The following CCM2L variants were observed in gnomAD, a reference collection of about 807,000 sequenced individuals.
CCM2L encodes the protein CCM2 like scaffold protein, also known as cerebral cavernous malformations 2 protein-like.
Under a neutral mutation model 54.1 loss-of-function variants are expected in CCM2L, and 36 were observed. That is an observed-to-expected ratio of 0.67 (90% CI 0.51 to 0.88). CCM2L has a LOEUF of 0.88. CCM2L is among the 40% of genes least tolerant of loss of function. The pLI is 0.00. For missense variants in CCM2L, 700 were observed against 812.1 expected, an observed-to-expected ratio of 0.86 and a Z score of 1.68; for synonymous variants, 351 against 359.3, an observed-to-expected ratio of 0.98 and a Z score of 0.26.
intron 1 of CCM2L, among the ~76,000 whole-genome samples, chr20:32,010,858 T>C (rs1018346495): frequency 6.6e-6 from 1 of 152,124 alleles, no homozygotes; most frequent in African/African-American, 2.4e-5. Context: ...TGCTCGTCAC[T>C]GCCCCAAACA....
Position 32,030,090 on chromosome 20 carries a change from G to A in CCM2L, c.1402+252G>A, listed in dbSNP as rs113688108. On this transcript the variant is annotated intron_variant, in intron 9 of 9. Coordinates refer to ENST00000452892, the MANE Select transcript of CCM2L (RefSeq NM_001365692.1). Reference sequence around the variant, plus strand: ...CATTTCATCCTCACAGCAAAGCTGCGAGAGGGACTGATTCTTCCCATCTTA... The same window carrying A: ...CATTTCATCCTCACAGCAAAGCTGCAAGAGGGACTGATTCTTCCCATCTTA... Among the ~76,000 whole-genome samples, 1,199 of 152,280 alleles carry A rather than the reference G, an allele frequency of 7.9e-3. 19 individuals carry two copies. The highest frequency in any genetic ancestry group is 0.027 in the African/African-American group (1,134 of 41,540).
chr20:32,028,863 G>A, intron 7 of CCM2L, 132 bp from the exon 8 acceptor site: 1 of 1,148,108 alleles, frequency 8.7e-7, no homozygotes, highest in Non-Finnish European at 1.2e-6. Context: ...GACTTGAGAG[G>A]TGCCAGGGGC....
At chr20:32,012,357 A>G (rs184304158) in intron 1 of CCM2L, among the ~76,000 whole-genome samples, 38 of 152,266 alleles carry the variant, frequency 2.5e-4, no homozygotes, top group Non-Finnish European at 4.9e-4. Context: ...TAGGAGTTCA[A>G]GACCAGACTG....
At chr20:32,028,574 A>T in intron 7 of CCM2L, 1 of 180,534 alleles carries the variant, frequency 5.5e-6, no homozygotes. Flanking sequence ...AAGGCCATGC[A>T]TGTCACAGGT....
At chr20:32,020,985 T>A (rs1274152037) in intron 5 of CCM2L, among the ~76,000 whole-genome samples, 1 of 151,754 alleles carries the variant, frequency 6.6e-6, no homozygotes, top group Non-Finnish European at 1.5e-5. Flanking sequence ...CAAAAAAACA[T>A]CAAAATCCAT....
At chr20:32,029,171 G>A in intron 8 of CCM2L, 47 bp downstream of exon 8, 1 of 1,613,098 alleles carries the variant, frequency 6.2e-7, no homozygotes, top group East Asian at 2.2e-5. Context: ...AAGCCTGGAG[G>A]CTGGAGTAAA....
At position 32,019,228 on chromosome 20, in the gene CCM2L, A is replaced by ACGGAGG. The variant is rs2064776578; in HGVS notation, c.756_761dup (p.Gly258_Gly259dup). 3.5e-6 allele frequency: 4 copies of ACGGAGG among 1,155,406 alleles called. No individual in the cohort carries two copies. Among genetic ancestry groups the ACGGAGG allele is most frequent in the Non-Finnish European group, 4.3e-6 (4 of 925,880 alleles). The allele number at this position is 1,155,406 out of a possible 1,614,324, so 71.6% of individuals were successfully genotyped here. A position where few individuals can be genotyped will look rare whatever the true frequency, so the allele number is the denominator to read the frequency against. Reference sequence around the variant, plus strand: ...TTCAGCGGCAGCTGGGAGCGGCGGCACGGAGGCGGCGGCGGCGGCGGCGGC... The same window carrying ACGGAGG: ...TTCAGCGGCAGCTGGGAGCGGCGGCACGGAGGCGGAGGCGGCGGCGGCGGCGGCGGC... On this transcript the variant is annotated inframe_insertion, in exon 5 of 10. Coordinates refer to ENST00000452892, the MANE Select transcript of CCM2L (RefSeq NM_001365692.1).
chr20:32,029,622 G>C, intron 8 of CCM2L, 78 bp from the exon 9 acceptor site: 1 of 1,502,086 alleles, frequency 6.7e-7, no homozygotes, highest in Non-Finnish European at 8.9e-7. Context: ...TGCCCTTAGG[G>C]AAGGCTCTGG....
Position 32,015,090 on chromosome 20 carries a change from G to C in CCM2L, c.198+19G>C. The C allele has an allele frequency of 2.0e-6, 3 of 1,468,010 alleles. No homozygotes were observed. Among genetic ancestry groups the C allele is most frequent in the Non-Finnish European group, 2.7e-6 (3 of 1,110,004 alleles). The allele number at this position is 1,468,010 out of a possible 1,614,324, so 90.9% of individuals were successfully genotyped here. A position where few individuals can be genotyped will look rare whatever the true frequency, so the allele number is the denominator to read the frequency against. ...GGTCAAGGTGCGTGCAGGATGAGAA[G>C]GGGTGGGAAAACCTTGGGGTGAGGA... is the stretch of plus-strand genomic sequence containing the variant. On this transcript the variant is annotated intron_variant, in intron 2 of 9. Transcript: ENST00000452892.
intron 5 of CCM2L, among the ~76,000 whole-genome samples, chr20:32,019,816 C>T (rs1199602953): frequency 6.6e-6 from 1 of 152,130 alleles, no homozygotes; most frequent in East Asian, 1.9e-4. Flanking sequence ...TACTGTATTC[C>T]CATTCTATAG....
rs1358410925 is a variant in CCM2L at position 32,031,270 on chromosome 20, G to A, written c.1672G>A (p.Gly558Ser). The A allele has an allele frequency of 7.7e-7, 1 of 1,294,742 alleles. No homozygotes were observed. Among genetic ancestry groups the A allele is most frequent in the African/African-American group, 1.5e-5 (1 of 65,784 alleles). The allele number at this position is 1,294,742 out of a possible 1,614,324, so 80.2% of individuals were successfully genotyped here. A position where few individuals can be genotyped will look rare whatever the true frequency, so the allele number is the denominator to read the frequency against. ...DDDDDEDEPRGSRGGSDAAED... is the reference protein window; with the variant it reads ...DDDDDEDEPRSSRGGSDAAED... ...CGACGACGACGAGGATGAGCCCCGG[G>A]GCTCCAGGGGCGGGAGCGACGCCGC... Residue 558 changes from glycine (G) to serine (S), a missense_variant, in exon 10 of 10, where the codon GGC becomes AGC. Gly to Ser is a moderately conservative substitution (Grantham distance 56). Transcript: ENST00000452892.
rs558410151 is a variant in CCM2L at position 32,029,599 on chromosome 20, G to C, written c.1264-101G>C. 1.3e-5 allele frequency: 19 copies of C among 1,437,298 alleles called. No individual in the cohort carries two copies. The South Asian group carries it at 1.8e-4, about 14-fold the overall frequency. The allele number at this position is 1,437,298 out of a possible 1,614,324, so 89.0% of individuals were successfully genotyped here. A position where few individuals can be genotyped will look rare whatever the true frequency, so the allele number is the denominator to read the frequency against. ...CCCATGGGAAGGTTTTCAGAGGAGA[G>C]CTGGACCAAACATGCCCTTAGGGAA... On this transcript the variant is annotated intron_variant, in intron 8 of 9. Coordinates refer to ENST00000452892, the MANE Select transcript of CCM2L (RefSeq NM_001365692.1).
chr20:32,029,832 C>T lies in CCM2L; in HGVS notation c.1396C>T (p.Leu466Phe). The T allele has an allele frequency of 1.2e-6, 2 of 1,601,596 alleles. No individual in the cohort carries two copies. Among genetic ancestry groups the T allele is most frequent in the African/African-American group, 2.7e-5 (2 of 74,450 alleles). ...CTACGGAGACCGGCGCAAGTTCCTC[C>T]TCCTTGGTGAGCCCCCGCTGTACCC... ...KLYGDRRKFL[L>F]LGMRPFIPDQ... The change falls in exon 9 of 10, where the codon CTC (leucine) becomes TTC (phenylalanine). Residue 466 changes from leucine to phenylalanine, a missense_variant. Physicochemically the swap from Leu to Phe is conservative, Grantham distance 22. Transcript: ENST00000452892.
chr20:32,029,878 C>T (rs2064904784), intron 9 of CCM2L, 40 bp downstream of exon 9: 1 of 1,537,572 alleles, frequency 6.5e-7, no homozygotes, highest in African/African-American at 1.4e-5. Flanking sequence ...GCTAGGGCCC[C>T]TGCTTGGTCC....
chr20:32,015,829 A>G (rs2074942071), intron 2 of CCM2L, among the ~76,000 whole-genome samples: 5 of 150,736 alleles, frequency 3.3e-5, no homozygotes, highest in African/African-American at 7.3e-5. Flanking sequence ...GCAAAACACA[A>G]AGGACTTCCA....
rs1241535087 is a variant in CCM2L, at chr20:32,029,827, T to C, written c.1391T>C (p.Phe464Ser). 6.2e-7 allele frequency: 1 copy of C among 1,603,134 alleles called. No homozygotes were observed. The highest frequency in any genetic ancestry group is 1.3e-5 in the African/African-American group (1 of 74,414). Residue 464 changes from phenylalanine (F) to serine (S), a missense_variant, in exon 9 of 10, where the codon TTC becomes TCC. Phe to Ser is a radical substitution (Grantham distance 155). Transcript: ENST00000452892. ...LLKLYGDRRKFLLLGMRPFIP... is the reference protein window; with the variant it reads ...LLKLYGDRRKSLLLGMRPFIP... ...AAGCTCTACGGAGACCGGCGCAAGT[T>C]CCTCCTCCTTGGTGAGCCCCCGCTG...
intron 9 of CCM2L, among the ~76,000 whole-genome samples, chr20:32,030,793 T>C (rs35562975): frequency 6.6e-6 from 1 of 151,222 alleles, no homozygotes; most frequent in Non-Finnish European, 1.5e-5. Flanking sequence ...ATAATAAAAG[T>C]ACAGTAATCT....
chr20:32,027,021 GAAAT>G (rs902985424), intron 7 of CCM2L, among the ~76,000 whole-genome samples: 144 of 152,202 alleles, frequency 9.5e-4, no homozygotes, highest in African/African-American at 3.3e-3. Flanking sequence ...TGTCTCTATT[GAAAT>G]AAATAAATAA....
Position 32,031,591 on chromosome 20 carries a change from A to T in CCM2L, c.*277A>T, listed in dbSNP as rs756160721. Reference sequence around the variant, plus strand: ...CTGAGCAGCGATCCTGCTTTGTCCCAGAAGTCCAGAGGGATCAGCCCCAGA... The same window carrying T: ...CTGAGCAGCGATCCTGCTTTGTCCCTGAAGTCCAGAGGGATCAGCCCCAGA... On this transcript the variant is annotated 3_prime_UTR_variant, in exon 10 of 10. Coordinates refer to ENST00000452892, the MANE Select transcript of CCM2L (RefSeq NM_001365692.1). 3.8e-6 allele frequency: 1 copy of T among 262,120 alleles called. No individual in the cohort carries two copies. The highest frequency in any genetic ancestry group is 2.4e-5 in the African/African-American group (1 of 42,398). 16.2% of individuals were successfully genotyped at this position (262,120 alleles called of 1,614,324 possible). A position where few individuals can be genotyped will look rare whatever the true frequency, so the allele number is the denominator to read the frequency against.
Sources: allele counts gnomAD v4.1 joint callset (sites outside exome capture counted in the v4.1 genomes callset), GRCh38; gene constraint gnomAD v4.1.1; transcripts MANE v1.5; gene names NCBI Gene and HGNC (gene_info 2026-07-23, HGNC 2026-07-21).